The following SLC44A1 variants were observed in gnomAD, a reference collection of about 807,000 sequenced individuals.
The protein encoded by SLC44A1 is choline transporter-like protein 1.
A neutral mutation model predicts 79.3 loss-of-function variants in SLC44A1; 26 were observed. The observed-to-expected ratio is 0.33, with a 90% confidence interval of 0.24 to 0.46. SLC44A1 has a LOEUF of 0.46. SLC44A1 is among the 20% of genes least tolerant of loss of function. The pLI is 1.00. For synonymous variants in SLC44A1, 263 were observed against 286.2 expected, an observed-to-expected ratio of 0.92 and a Z score of 0.82; for missense variants, 688 against 798.1, an observed-to-expected ratio of 0.86 and a Z score of 1.66.
chr9:105,252,096 C>T (rs892825554), intron 1 of SLC44A1, among the ~76,000 whole-genome samples: 2 of 152,112 alleles, frequency 1.3e-5, no homozygotes, highest in African/African-American at 2.4e-5. Context: ...ATTTCATTCA[C>T]AAGGTTTTAT....
chr9:105,281,751 T>C (rs1022565391), intron 1 of SLC44A1, among the ~76,000 whole-genome samples: 1 of 152,230 alleles, frequency 6.6e-6, no homozygotes, highest in Non-Finnish European at 1.5e-5. Flanking sequence ...TGTGATTGCA[T>C]CTGTAGTTCT....
chr9:105,397,215 G>A lies in SLC44A1; in HGVS notation c.*8159G>A. ...CTTGTGCAGAAATACGAACTAGAAA[G>A]AAAAGTGCTGATCTAATGCTAAGTT... On this transcript the variant is annotated 3_prime_UTR_variant, in exon 16 of 16. Coordinates refer to ENST00000374720, the MANE Select transcript of SLC44A1 (RefSeq NM_080546.5). The A allele has an allele frequency of 1.0e-6, 1 of 985,366 alleles. No individual in the cohort carries two copies. The highest frequency in any genetic ancestry group is 1.2e-6 in the Non-Finnish European group (1 of 829,886). The allele number at this position is 985,366 out of a possible 1,614,324, so 61.0% of individuals were successfully genotyped here. A position where few individuals can be genotyped will look rare whatever the true frequency, so the allele number is the denominator to read the frequency against.
At chr9:105,436,882 C>T (rs2131530387) in intron 15 of SLC44A1, among the ~76,000 whole-genome samples, 1 of 152,238 alleles carries the variant, frequency 6.6e-6, no homozygotes, top group Non-Finnish European at 1.5e-5. Context: ...TTTTAAGCAC[C>T]TGGAGACAAG....
chr9:105,421,582 CTTTTTTT>C (rs1056443918), intron 15 of SLC44A1, among the ~76,000 whole-genome samples: 12 of 130,194 alleles, frequency 9.2e-5, no homozygotes, highest in South Asian at 4.8e-4. Flanking sequence ...TCAGAAATCT[CTTTTTTT>C]TTTTTTTTTT....
chr9:105,331,609 G>A (rs930106587), intron 3 of SLC44A1, among the ~76,000 whole-genome samples: 5 of 152,176 alleles, frequency 3.3e-5, no homozygotes, highest in Non-Finnish European at 1.5e-5. Context: ...TTTGATACAA[G>A]CACTTGGCCT....
chr9:105,323,448 G>A (rs1468687933), intron 3 of SLC44A1, among the ~76,000 whole-genome samples: 1 of 152,042 alleles, frequency 6.6e-6, no homozygotes, highest in Non-Finnish European at 1.5e-5. Flanking sequence ...GTAATGTTTG[G>A]CCTAAAGATC....
At chr9:105,434,209 G>A (rs1162063754) in intron 15 of SLC44A1, among the ~76,000 whole-genome samples, 2 of 152,020 alleles carry the variant, frequency 1.3e-5, no homozygotes, top group East Asian at 3.9e-4. Context: ...GCATGGTCAT[G>A]CATGCCCGTA....
intron 13 of SLC44A1, among the ~76,000 whole-genome samples, chr9:105,375,789 A>G (rs1040601329): frequency 2.6e-5 from 4 of 152,336 alleles, no homozygotes; most frequent in African/African-American, 4.8e-5. Flanking sequence ...ATTTCATTGT[A>G]TCTGAGTATT....
At chr9:105,418,660 G>A (rs930065209) in intron 15 of SLC44A1, among the ~76,000 whole-genome samples, 10 of 152,132 alleles carry the variant, frequency 6.6e-5, no homozygotes, top group African/African-American at 2.4e-4. Flanking sequence ...CTAGATGTGG[G>A]CCACAACCCT....
At chr9:105,293,265 G>A (rs1427907285) in intron 1 of SLC44A1, among the ~76,000 whole-genome samples, 1 of 152,234 alleles carries the variant, frequency 6.6e-6, no homozygotes, top group Non-Finnish European at 1.5e-5. Flanking sequence ...AGGAAAGATT[G>A]ATAGCATTAG....
chr9:105,332,922 A>G (rs934090488), intron 3 of SLC44A1, among the ~76,000 whole-genome samples: 2 of 152,194 alleles, frequency 1.3e-5, no homozygotes, highest in Non-Finnish European at 2.9e-5. Context: ...AACAAACTAT[A>G]AAATCGGTGA....
At chr9:105,256,526 A>T (rs536420956) in intron 1 of SLC44A1, among the ~76,000 whole-genome samples, 38 of 150,370 alleles carry the variant, frequency 2.5e-4, no homozygotes, top group African/African-American at 8.7e-4. Flanking sequence ...ATGTAAGCAT[A>T]TGGCTTTCAT....
At chr9:105,320,206 T>A (rs1302014785) in intron 3 of SLC44A1, among the ~76,000 whole-genome samples, 1 of 152,170 alleles carries the variant, frequency 6.6e-6, no homozygotes, top group Non-Finnish European at 1.5e-5. Context: ...TCCTTTTAAA[T>A]TACTGAGAAA....
chr9:105,324,547 C>T (rs1041306575), intron 3 of SLC44A1, among the ~76,000 whole-genome samples: 1 of 152,176 alleles, frequency 6.6e-6, no homozygotes, highest in Non-Finnish European at 1.5e-5. Flanking sequence ...GCCACCACGC[C>T]TGGCCTCCAA....
In SLC44A1 at chr9:105,415,779, A is replaced by G. The variant is rs569876901; in HGVS notation, c.1951-22502A>G. On this transcript the variant is annotated intron_variant, in intron 15 of 15. Transcript: ENST00000374724. ...ACTAGCTTTCAGGTAGAAACAATAT[A>G]TACTTGAAGAATATTGTCCTTCGAT... 6.6e-5 allele frequency among the ~76,000 whole-genome samples: 10 copies of G among 152,138 alleles called. No homozygotes were observed. In the South Asian group the frequency reaches 2.1e-3, roughly 32 times the overall value.
intron 15 of SLC44A1, among the ~76,000 whole-genome samples, chr9:105,404,188 T>C (rs1554690549): frequency 6.8e-6 from 1 of 146,562 alleles, no homozygotes; most frequent in African/African-American, 2.6e-5. Flanking sequence ...TGAGCTAAGA[T>C]TGTGCCACTG....
intron 15 of SLC44A1, among the ~76,000 whole-genome samples, chr9:105,433,780 A>G (rs1160917444): frequency 2.6e-5 from 4 of 152,182 alleles, no homozygotes; most frequent in Admixed American, 2.6e-4. Flanking sequence ...GGGGTTCTCT[A>G]GCTAGAAAGT....
intron 2 of SLC44A1, among the ~76,000 whole-genome samples, chr9:105,306,235 CCCTTATCATTTG>C (rs2131302221): frequency 6.6e-6 from 1 of 152,230 alleles, no homozygotes. Flanking sequence ...CTTCCTTATG[CCCTTATCATTTG>C]CTTCATTAAT....
At chr9:105,298,211 A>T (rs1022246332) in intron 1 of SLC44A1, among the ~76,000 whole-genome samples, 1 of 152,218 alleles carries the variant, frequency 6.6e-6, no homozygotes, top group African/African-American at 2.4e-5. Flanking sequence ...TTTGATCTAG[A>T]AACTAACATT....
Sources: allele counts gnomAD v4.1 joint callset (sites outside exome capture counted in the v4.1 genomes callset), GRCh38; gene constraint gnomAD v4.1.1; transcripts MANE v1.5; gene names NCBI Gene and HGNC (gene_info 2026-07-23, HGNC 2026-07-21).